Variants in KCNB2 observed in about 807,000 individuals in gnomAD.
The protein encoded by KCNB2 is potassium voltage-gated channel subfamily B member 2.
KCNB2 carries 15 observed loss-of-function variants against 61.5 expected under a neutral mutation model. The ratio of observed to expected loss-of-function variants is 0.24; its 90% CI spans 0.16 to 0.38. The LOEUF is 0.38. Ranked by LOEUF, KCNB2 falls within the 10% of genes least tolerant of loss-of-function variation. The probability of loss-of-function intolerance (pLI) is 1.00; values close to 1 mark genes in which losing one functional copy is unlikely to be tolerated. For synonymous variants in KCNB2, 457 were observed against 446.0 expected (o/e 1.02, Z -0.31); for missense variants, 828 against 1,125.2 (o/e 0.74, Z 3.78).
chr8:72,646,493 G>A (rs978838767), intron 2 of KCNB2, among the ~76,000 whole-genome samples: 2 of 152,048 alleles, frequency 1.3e-5, no homozygotes, highest in African/African-American at 4.8e-5. Context: ...ATTCAGACAA[G>A]GGTTATACTT....
At chr8:72,630,194 G>T (rs1477718404) in intron 2 of KCNB2, among the ~76,000 whole-genome samples, 1 of 152,078 alleles carries the variant, frequency 6.6e-6, no homozygotes, top group Non-Finnish European at 1.5e-5. Flanking sequence ...GTAGAAATTG[G>T]CAACCATCAC....
At chr8:72,856,447 G>GA (rs1165442526) in intron 2 of KCNB2, among the ~76,000 whole-genome samples, 2 of 151,910 alleles carry the variant, frequency 1.3e-5, no homozygotes, top group Non-Finnish European at 2.9e-5. Context: ...CACAAAAAAA[G>GA]AAAAAACCTG....
intron 2 of KCNB2, among the ~76,000 whole-genome samples, chr8:72,883,413 T>C (rs1457544579): frequency 6.6e-6 from 1 of 152,196 alleles, no homozygotes; most frequent in African/African-American, 2.4e-5. Flanking sequence ...CAGTGACCCA[T>C]TGTTGCTGGA....
At chr8:72,886,408 C>A (rs1056934673) in intron 2 of KCNB2, among the ~76,000 whole-genome samples, 4 of 152,200 alleles carry the variant, frequency 2.6e-5, no homozygotes, top group African/African-American at 9.7e-5. Context: ...AAAAGGGGAA[C>A]AAAGAACATG....
intron 2 of KCNB2, among the ~76,000 whole-genome samples, chr8:72,754,795 T>G (rs190222656): frequency 3.0e-4 from 46 of 152,250 alleles, no homozygotes; most frequent in Admixed American, 1.4e-3. Context: ...ACACATTCAG[T>G]TGAAAAATCA....
intron 2 of KCNB2, among the ~76,000 whole-genome samples, chr8:72,647,618 G>C (rs187033646): frequency 3.9e-5 from 6 of 152,140 alleles, no homozygotes; most frequent in African/African-American, 1.4e-4. Context: ...ACAGTGGGGG[G>C]CAGAAAGGAG....
intron 2 of KCNB2, among the ~76,000 whole-genome samples, chr8:72,632,711 G>A (rs756785621): frequency 1.3e-5 from 2 of 152,112 alleles, no homozygotes; most frequent in Non-Finnish European, 2.9e-5. Flanking sequence ...CATTTAATTA[G>A]AAGTCAGAAC....
At chr8:72,707,022 T>A (rs1807238355) in intron 2 of KCNB2, among the ~76,000 whole-genome samples, 1 of 152,196 alleles carries the variant, frequency 6.6e-6, no homozygotes, top group Non-Finnish European at 1.5e-5. Context: ...CTCTGCATAT[T>A]ACCTTGTAAA....
chr8:72,632,722 C>T (rs1201419146), intron 2 of KCNB2, among the ~76,000 whole-genome samples: 3 of 152,108 alleles, frequency 2.0e-5, no homozygotes, highest in Non-Finnish European at 4.4e-5. Context: ...AAGTCAGAAC[C>T]AATGCTGTTA....
At chr8:72,654,706 A>G (rs917016189) in intron 2 of KCNB2, among the ~76,000 whole-genome samples, 5 of 152,196 alleles carry the variant, frequency 3.3e-5, no homozygotes, top group African/African-American at 7.2e-5. Flanking sequence ...GGCAGTGAAC[A>G]TAGGTATTTT....
intron 2 of KCNB2, among the ~76,000 whole-genome samples, chr8:72,713,495 G>A (rs546299966): frequency 9.5e-4 from 144 of 152,240 alleles, no homozygotes; most frequent in South Asian, 5.8e-3. Context: ...CAGCATTTGC[G>A]GTTCACCAAT....
intron 1 of KCNB2, among the ~76,000 whole-genome samples, chr8:72,555,737 A>G (rs1258635012): frequency 6.7e-6 from 1 of 149,810 alleles, no homozygotes; most frequent in Non-Finnish European, 1.5e-5. Context: ...GGCCATTTGG[A>G]TTTTCTTTTT....
intron 2 of KCNB2, among the ~76,000 whole-genome samples, chr8:72,583,948 CAAA>C (rs71566823): frequency 0.15 from 15,600 of 100,762 alleles, 1,072 homozygotes; most frequent in East Asian, 0.48. Context: ...AATAGAATAT[CAAA>C]AAAAAAAAAA....
intron 2 of KCNB2, among the ~76,000 whole-genome samples, chr8:72,593,108 T>A (rs1807127476): frequency 6.6e-6 from 1 of 152,222 alleles, no homozygotes; most frequent in African/African-American, 2.4e-5. Flanking sequence ...GTATTTGGCA[T>A]GCCTGATAGT....
chr8:72,801,525 C>T (rs965250914), intron 2 of KCNB2, among the ~76,000 whole-genome samples: 9 of 151,754 alleles, frequency 5.9e-5, no homozygotes, highest in African/African-American at 1.2e-4. Flanking sequence ...ATTTTTTTTC[C>T]GAAGCATTTC....
At chr8:72,635,199 C>T (rs1428548989) in intron 2 of KCNB2, among the ~76,000 whole-genome samples, 2 of 152,166 alleles carry the variant, frequency 1.3e-5, no homozygotes, top group Non-Finnish European at 2.9e-5. Context: ...GCTGGCAAGG[C>T]TGGATCCAAA....
At chr8:72,872,905 C>T (rs894488493) in intron 2 of KCNB2, among the ~76,000 whole-genome samples, 1 of 152,212 alleles carries the variant, frequency 6.6e-6, no homozygotes, top group Non-Finnish European at 1.5e-5. Flanking sequence ...CCTCAAAGAA[C>T]GGTGTCTCCC....
chr8:72,561,789 A>ATATGTGTATATATATATATATATG (rs1491494090), intron 1 of KCNB2, among the ~76,000 whole-genome samples: 15 of 33,562 alleles, frequency 4.5e-4, no homozygotes, highest in Admixed American at 7.7e-4. Context: ...ATATATATAT[A>ATATGTGTATATATATATATATATG]CATATATATA....
intron 1 of KCNB2, among the ~76,000 whole-genome samples, chr8:72,554,062 G>A (rs552705670): frequency 2.0e-5 from 3 of 152,098 alleles, no homozygotes; most frequent in East Asian, 1.9e-4. Flanking sequence ...TTCTTTTACA[G>A]CAATACATTT....
Sources: gnomAD v4.1 joint callset for allele counts (sites outside exome capture counted in the v4.1 genomes callset) on GRCh38, gnomAD v4.1.1 for gene constraint, MANE v1.5 for transcripts, NCBI Gene and HGNC (gene_info 2026-07-23, HGNC 2026-07-21) for gene names.